Variants in SNX29 observed in about 807,000 individuals in gnomAD.
SNX29 encodes the protein sorting nexin 29, also known as sorting nexin-29.
SNX29 carries 78 observed loss-of-function variants against 102.1 expected under a neutral mutation model. The ratio of observed to expected loss-of-function variants is 0.76; its 90% CI spans 0.64 to 0.92. The LOEUF is 0.92. Ranked by LOEUF, SNX29 falls within the 40% of genes least tolerant of loss-of-function variation. The pLI is 0.00. For missense variants in SNX29, 1,280 were observed against 1,061.7 expected (o/e 1.21, Z -2.86); for synonymous variants, 580 against 414.5 (o/e 1.40, Z -4.85).
intron 15 of SNX29, among the ~76,000 whole-genome samples, chr16:12,332,478 T>G (rs1228391605): frequency 6.6e-6 from 1 of 152,034 alleles, no homozygotes; most frequent in Non-Finnish European, 1.5e-5. Context: ...TTACTCTCTT[T>G]GTGCGCCTTT....
chr16:12,288,875 G>A (rs760244250), intron 15 of SNX29, among the ~76,000 whole-genome samples: 1 of 152,152 alleles, frequency 6.6e-6, no homozygotes. Context: ...AGCATAGGTA[G>A]AAGCAAGATT....
chr16:12,501,359 G>A (rs1039867745), intron 19 of SNX29, among the ~76,000 whole-genome samples: 1 of 152,068 alleles, frequency 6.6e-6, no homozygotes, highest in African/African-American at 2.4e-5. Context: ...AGCTAGGGTT[G>A]CACCACTACA....
At position 12,408,157 on chromosome 16, in the gene SNX29, C is replaced by CAAAAAAAAAAAAA. The variant is rs1555530421; in HGVS notation, c.2037+4635_2037+4636insAAAAAAAAAAAAA. The stretch of plus-strand genomic sequence containing the variant: ...CTGGGTGGCAGAGCAGGACCCTTCT[C>CAAAAAAAAAAAAA]AAAAAAACAAACAAACAAACAAAAA... On this transcript the variant is annotated intron_variant, in intron 18 of 20. Transcript: ENST00000566228. Among the ~76,000 whole-genome samples the CAAAAAAAAAAAAA allele has an allele frequency of 2.9e-4, 41 of 142,950 alleles. 1 individual carries two copies. The highest frequency in any genetic ancestry group is 1.0e-3 in the African/African-American group (36 of 36,114). 93.8% of individuals were successfully genotyped at this position (142,950 alleles called of 152,430 possible).
intron 16 of SNX29, among the ~76,000 whole-genome samples, chr16:12,377,279 T>C (rs2082910151): frequency 6.6e-6 from 1 of 152,172 alleles, no homozygotes; most frequent in Non-Finnish European, 1.5e-5. Context: ...AGAAAACACA[T>C]AGATTTCTGT....
intron 15 of SNX29, among the ~76,000 whole-genome samples, chr16:12,353,569 G>A (rs556263010): frequency 9.2e-5 from 14 of 152,306 alleles, no homozygotes; most frequent in South Asian, 2.1e-4. Flanking sequence ...ACCAAGGCCC[G>A]ATGCCTGAAC....
At chr16:12,326,877 G>A (rs1007495347) in intron 15 of SNX29, among the ~76,000 whole-genome samples, 21 of 152,320 alleles carry the variant, frequency 1.4e-4, no homozygotes, top group African/African-American at 3.6e-4. Context: ...TGGTTGGAAC[G>A]TGGTGCTTTT....
At chr16:12,202,054 C>T (rs1462391363) in intron 14 of SNX29, among the ~76,000 whole-genome samples, 2 of 152,140 alleles carry the variant, frequency 1.3e-5, no homozygotes, top group South Asian at 2.1e-4. Context: ...GATGTAGTTG[C>T]GGCAGCTCTT....
intron 15 of SNX29, among the ~76,000 whole-genome samples, chr16:12,308,748 T>C (rs2080432610): frequency 6.6e-6 from 1 of 152,174 alleles, no homozygotes; most frequent in Non-Finnish European, 1.5e-5. Context: ...CACGAGTCCA[T>C]CAGTTTCTCA....
chr16:12,291,624 GTC>G (rs2079798227), intron 15 of SNX29, among the ~76,000 whole-genome samples: 1 of 152,214 alleles, frequency 6.6e-6, no homozygotes, highest in African/African-American at 2.4e-5. Context: ...AACAGCAAGA[GTC>G]TCTCCATTCT....
At chr16:12,469,349 C>G (rs2087226891) in intron 18 of SNX29, among the ~76,000 whole-genome samples, 1 of 152,194 alleles carries the variant, frequency 6.6e-6, no homozygotes, top group Non-Finnish European at 1.5e-5. Flanking sequence ...GTTAATAACA[C>G]ATGAAGCCAT....
In SNX29 at chr16:12,347,042, C is replaced by G. The variant is rs79498192; in HGVS notation, c.1783-9121C>G. ...CTGTTTTTAGTGATGGGTGTTGTCC[C>G]TCTTTAAACTGTAATCCCATCCTGA... On this transcript the variant is annotated intron_variant, in intron 15 of 20. Coordinates refer to ENST00000566228, the MANE Select transcript of SNX29 (RefSeq NM_032167.5). 6.3e-3 allele frequency among the ~76,000 whole-genome samples: 965 copies of G among 152,290 alleles called. 4 individuals carry two copies. The highest frequency in any genetic ancestry group is 0.014 in the Middle Eastern group (4 of 294).
At chr16:12,036,330 CTTTCTTTTTTT>C (rs981446544) in intron 4 of SNX29, among the ~76,000 whole-genome samples, 3 of 117,670 alleles carry the variant, frequency 2.5e-5, no homozygotes, top group African/African-American at 9.7e-5. Context: ...GTTTTTCTTT[CTTTCTTTTTTT>C]TTTTTTTTTT....
At chr16:12,536,778 C>A (rs1017884188) in intron 20 of SNX29, among the ~76,000 whole-genome samples, 1 of 152,138 alleles carries the variant, frequency 6.6e-6, no homozygotes, top group Non-Finnish European at 1.5e-5. Flanking sequence ...GAGTTTCAGA[C>A]CAGCCTGGCC....
At chr16:12,477,397 T>C (rs2087706382) in intron 18 of SNX29, among the ~76,000 whole-genome samples, 1 of 152,204 alleles carries the variant, frequency 6.6e-6, no homozygotes, top group African/African-American at 2.4e-5. Flanking sequence ...CAGCACGCTG[T>C]TAGTGCTGCA....
intron 14 of SNX29, among the ~76,000 whole-genome samples, chr16:12,213,087 C>A (rs1477293021): frequency 6.6e-6 from 1 of 152,144 alleles, no homozygotes; most frequent in South Asian, 2.1e-4. Flanking sequence ...GCACTCCAGC[C>A]TGGGTGACAG....
At chr16:12,444,251 C>T (rs979005236) in intron 18 of SNX29, among the ~76,000 whole-genome samples, 8 of 151,696 alleles carry the variant, frequency 5.3e-5, no homozygotes, top group East Asian at 3.9e-4. Context: ...AATATAGCAC[C>T]GAGCACGTAG....
chr16:12,426,169 C>A (rs936478517), intron 18 of SNX29, among the ~76,000 whole-genome samples: 1 of 151,938 alleles, frequency 6.6e-6, no homozygotes, highest in Admixed American at 6.6e-5. Flanking sequence ...TTGTGACAAA[C>A]AGTCCTCAAA....
chr16:12,506,214 G>T (rs2089371458), intron 19 of SNX29, among the ~76,000 whole-genome samples: 1 of 152,146 alleles, frequency 6.6e-6, no homozygotes, highest in Non-Finnish European at 1.5e-5. Context: ...GCCTGCCTCG[G>T]CCTCCCAAAG....
chr16:12,563,078 C>T (rs1174222202), intron 20 of SNX29, among the ~76,000 whole-genome samples: 3 of 151,136 alleles, frequency 2.0e-5, no homozygotes, highest in East Asian at 1.9e-4. Flanking sequence ...AAGAGAAATC[C>T]AGAATGTTAC....
Sources: gnomAD v4.1 joint callset for allele counts (sites outside exome capture counted in the v4.1 genomes callset) on GRCh38, gnomAD v4.1.1 for gene constraint, MANE v1.5 for transcripts, NCBI Gene and HGNC (gene_info 2026-07-23, HGNC 2026-07-21) for gene names.